The following KLRG1 variants were observed in gnomAD, a reference collection of about 807,000 sequenced individuals.
The protein encoded by KLRG1 is killer cell lectin-like receptor subfamily G member 1.
In KLRG1, 16 loss-of-function variants were observed where a neutral mutation model predicts 21.8. That is an observed-to-expected ratio of 0.73 (90% CI 0.50 to 1.11). KLRG1 has a LOEUF of 1.11. Among genes scored for constraint, KLRG1 ranks in the 50% most tolerant of loss-of-function variants. KLRG1 has a pLI of 0.00. For missense variants in KLRG1, 173 were observed against 218.3 expected, an observed-to-expected ratio of 0.79 and a Z score of 1.31; for synonymous variants, 69 against 75.9, an observed-to-expected ratio of 0.91 and a Z score of 0.47.
chr12:9,149,600 C>T, the KLRG1 span: 7 of 1,612,614 alleles, frequency 4.3e-6, no homozygotes, highest in African/African-American at 1.3e-5. Context: ...ACCACAGACT[C>T]ATCTGAAAGA....
chr12:9,181,601 A>G, the KLRG1 span, among the ~76,000 whole-genome samples: 1 of 152,224 alleles, frequency 6.6e-6, no homozygotes, highest in Non-Finnish European at 1.5e-5. Flanking sequence ...AGGCAGAATA[A>G]GGATAGATAC....
chr12:9,055,168 ATAT>A, the KLRG1 span, among the ~76,000 whole-genome samples: 1 of 152,314 alleles, frequency 6.6e-6, no homozygotes, highest in Non-Finnish European at 1.5e-5. Context: ...AATTGTCGTA[ATAT>A]TATGACTCCC....
At chr12:9,126,748 A>AT in the KLRG1 span, among the ~76,000 whole-genome samples, 1 of 152,196 alleles carries the variant, frequency 6.6e-6, no homozygotes, top group African/African-American at 2.4e-5. Context: ...CTTTCAGCTG[A>AT]TCACTGCCTG....
the KLRG1 span, chr12:9,192,212 C>T: frequency 1.2e-5 from 19 of 1,613,988 alleles, no homozygotes; most frequent in Non-Finnish European, 1.5e-5. Context: ...ACTCCACAGG[C>T]AGAGTGTGGG....
the KLRG1 span, among the ~76,000 whole-genome samples, chr12:9,133,533 A>C: frequency 6.6e-6 from 1 of 152,232 alleles, no homozygotes; most frequent in Admixed American, 6.5e-5. Flanking sequence ...TGAAAGAAAA[A>C]AATGTTTCTT....
chr12:9,195,612 T>TTTTA, the KLRG1 span, among the ~76,000 whole-genome samples: 1 of 63,430 alleles, frequency 1.6e-5, no homozygotes, highest in African/African-American at 5.5e-5. Flanking sequence ...CCACTGCTAA[T>TTTTA]TTTTTTTTTT....
the KLRG1 span, among the ~76,000 whole-genome samples, chr12:9,121,568 A>AAAAG: frequency 6.6e-6 from 1 of 152,152 alleles, no homozygotes; most frequent in Non-Finnish European, 1.5e-5. The surrounding 1 kb of genome is among the most constrained non-coding windows in gnomAD (Gnocchi z 4.4). Flanking sequence ...AACAAAAACA[A>AAAAG]AAAGAAAGAA....
the KLRG1 span, chr12:9,201,211 A>G: frequency 1.4e-5 from 18 of 1,326,976 alleles, no homozygotes; most frequent in Non-Finnish European, 1.6e-5. Flanking sequence ...AACTGGGAGT[A>G]GGAGGAATTC....
the KLRG1 span, among the ~76,000 whole-genome samples, chr12:9,141,920 G>C: frequency 3.9e-5 from 6 of 152,192 alleles, no homozygotes; most frequent in African/African-American, 1.2e-4. Flanking sequence ...CAGGCAAGTT[G>C]TACAGCTAAG....
At chr12:9,126,866 C>T in the KLRG1 span, among the ~76,000 whole-genome samples, 1 of 152,150 alleles carries the variant, frequency 6.6e-6, no homozygotes, top group Non-Finnish European at 1.5e-5. Flanking sequence ...CATCACGAGA[C>T]AATGCTGAAG....
At chr12:9,106,735 T>TA in the KLRG1 span, 231,930 of 471,572 alleles carry the variant, frequency 0.49, 62,233 homozygotes, top group African/African-American at 0.76. Flanking sequence ...GAGGACACAA[T>TA]AAATATTCTC....
At chr12:9,155,684 G>A in the KLRG1 span, among the ~76,000 whole-genome samples, 1 of 152,088 alleles carries the variant, frequency 6.6e-6, no homozygotes, top group Non-Finnish European at 1.5e-5. Context: ...GAGTTTGAAT[G>A]CATTTTGTTT....
chr12:8,978,134 G>A (rs1203082804), intron 1 of KLRG1, among the ~76,000 whole-genome samples: 1 of 152,042 alleles, frequency 6.6e-6, no homozygotes, highest in African/African-American at 2.4e-5. Context: ...CTATTACAGT[G>A]TCATATGATT....
the KLRG1 span, among the ~76,000 whole-genome samples, chr12:9,045,336 G>A: frequency 2.0e-5 from 3 of 152,108 alleles, no homozygotes; most frequent in Middle Eastern, 3.4e-3. Flanking sequence ...CAAAAATGAC[G>A]ACAGAGGAAA....
the KLRG1 span, among the ~76,000 whole-genome samples, chr12:9,207,018 G>T: frequency 2.0e-5 from 3 of 152,154 alleles, no homozygotes; most frequent in South Asian, 2.1e-4. Context: ...GAGGGATAGT[G>T]GGGGAGAAAT....
At chr12:9,111,412 G>A in the KLRG1 span, 1 of 407,660 alleles carries the variant, frequency 2.5e-6, no homozygotes, top group Non-Finnish European at 4.9e-6. Context: ...AGGAGTGAAA[G>A]TAGAAGCTGG....
intron 1 of KLRG1, among the ~76,000 whole-genome samples, chr12:8,960,740 C>A (rs1946368081): frequency 6.6e-6 from 1 of 152,104 alleles, no homozygotes. Context: ...GGGCCAAGGG[C>A]AGATTTGTTT....
chr12:9,163,931 T>C, the KLRG1 span: 7 of 1,255,602 alleles, frequency 5.6e-6, no homozygotes, highest in African/African-American at 6.1e-5. Flanking sequence ...GTATACTAAG[T>C]AGCCAATGTC....
At chr12:8,992,894 T>C (rs1439194686) in intron 2 of KLRG1, among the ~76,000 whole-genome samples, 1 of 152,086 alleles carries the variant, frequency 6.6e-6, no homozygotes, top group Admixed American at 6.6e-5. Flanking sequence ...CACCTTTCTT[T>C]CTTTTAATGC....
Sources: gnomAD v4.1 joint callset for allele counts (sites outside exome capture counted in the v4.1 genomes callset) on GRCh38, gnomAD v4.1.1 for gene constraint, Gnocchi (gnomAD v3.1) non-coding constraint, MANE v1.5 for transcripts, NCBI Gene and HGNC (gene_info 2026-07-23, HGNC 2026-07-21) for gene names.